Variants in CEP128 observed in about 807,000 individuals in gnomAD.
The protein encoded by CEP128 is centrosomal protein 128kDa.
CEP128 carries 132 observed loss-of-function variants against 156.7 expected under a neutral mutation model. The ratio of observed to expected loss-of-function variants is 0.84; its 90% confidence interval spans 0.73 to 0.97. The LOEUF (loss-of-function observed/expected upper bound fraction) is 0.97, where lower values mean the gene tolerates loss of function less well. Among genes scored for constraint, CEP128 ranks in the 50% least tolerant of loss-of-function variants. The pLI is 0.00. For synonymous variants in CEP128, 469 were observed against 448.9 expected (o/e 1.04, Z -0.57); for missense variants, 1,252 against 1,281.9 (o/e 0.98, Z 0.36).
intron 9 of CEP128, among the ~76,000 whole-genome samples, chr14:80,846,962 A>C (rs1266900457): frequency 6.6e-6 from 1 of 152,182 alleles, no homozygotes; most frequent in Admixed American, 6.5e-5. Context: ...AATCCAGCCA[A>C]CTATTTCCCA....
At chr14:80,934,861 G>A (rs1157508121) in intron 2 of CEP128, among the ~76,000 whole-genome samples, 1 of 151,788 alleles carries the variant, frequency 6.6e-6, no homozygotes. Flanking sequence ...GACTATAACT[G>A]GTATATTACT....
intron 2 of CEP128, among the ~76,000 whole-genome samples, chr14:80,931,442 A>C (rs1429386109): frequency 6.6e-6 from 1 of 152,204 alleles, no homozygotes; most frequent in Non-Finnish European, 1.5e-5. Context: ...CCCTTAACTC[A>C]TGTCTGTTCT....
At chr14:80,590,783 A>T (rs750127387) in intron 19 of CEP128, among the ~76,000 whole-genome samples, 21 of 152,152 alleles carry the variant, frequency 1.4e-4, no homozygotes, top group Non-Finnish European at 2.9e-4. Context: ...ATTTAGAGGG[A>T]ACATTTAAGA....
At chr14:80,740,167 T>C (rs1484841476) in intron 19 of CEP128, among the ~76,000 whole-genome samples, 1 of 152,082 alleles carries the variant, frequency 6.6e-6, no homozygotes, top group Non-Finnish European at 1.5e-5. Flanking sequence ...GTTCTTTCAT[T>C]ACTTCCCTCA....
chr14:80,494,411 TA>T (rs771012287), downstream of CEP128, among the ~76,000 whole-genome samples: 3 of 152,216 alleles, frequency 2.0e-5, no homozygotes, highest in Non-Finnish European at 4.4e-5. Context: ...CATTCTTGGC[TA>T]CCATAGGATG....
intron 20 of CEP128, among the ~76,000 whole-genome samples, chr14:80,568,898 T>C (rs946831957): frequency 6.6e-6 from 1 of 152,180 alleles, no homozygotes; most frequent in Admixed American, 6.5e-5. Context: ...AAAGCAGATG[T>C]ATATTAACTG....
At chr14:80,617,785 C>T (rs768734177) in intron 19 of CEP128, among the ~76,000 whole-genome samples, 3 of 152,084 alleles carry the variant, frequency 2.0e-5, no homozygotes, top group African/African-American at 7.2e-5. Context: ...GGCAACATGG[C>T]GAGACCCTGT....
intron 19 of CEP128, among the ~76,000 whole-genome samples, chr14:80,584,158 TTTTTTG>T (rs1275432477): frequency 5.2e-5 from 6 of 114,582 alleles, no homozygotes; most frequent in Admixed American, 1.7e-4. Context: ...TTTTTTTTTT[TTTTTTG>T]TTTGACAGCG....
At chr14:80,761,750 T>C (rs1379717468) in intron 16 of CEP128, 137 bp from the exon 17 acceptor site, 2 of 529,184 alleles carry the variant, frequency 3.8e-6, no homozygotes, top group African/African-American at 1.9e-5. Flanking sequence ...TTTACCAAAA[T>C]AAAAACACTT....
chr14:80,551,419 C>A (rs1474540676), intron 21 of CEP128, among the ~76,000 whole-genome samples: 1 of 152,146 alleles, frequency 6.6e-6, no homozygotes, highest in Non-Finnish European at 1.5e-5. Context: ...TCCATATAAA[C>A]CCCAGACCTA....
intron 16 of CEP128, among the ~76,000 whole-genome samples, chr14:80,764,299 C>A (rs550088675): frequency 2.0e-5 from 3 of 150,948 alleles, no homozygotes; most frequent in Admixed American, 1.3e-4. Context: ...GAGATCGAGA[C>A]CATCCTGGCT....
chr14:80,720,374 G>A (rs542810460), intron 19 of CEP128, among the ~76,000 whole-genome samples: 1 of 152,272 alleles, frequency 6.6e-6, no homozygotes, highest in Admixed American at 6.5e-5. Flanking sequence ...AATACTGCAA[G>A]CTGCTGAGAG....
chr14:80,687,924 T>C (rs895950748), intron 19 of CEP128, among the ~76,000 whole-genome samples: 3 of 152,082 alleles, frequency 2.0e-5, no homozygotes, highest in African/African-American at 7.2e-5. Context: ...ATAAAATATA[T>C]AGTCTGGGAA....
intron 21 of CEP128, among the ~76,000 whole-genome samples, chr14:80,531,292 G>A (rs1292636403): frequency 6.6e-6 from 1 of 152,194 alleles, no homozygotes; most frequent in Non-Finnish European, 1.5e-5. Context: ...GAGTATATTA[G>A]AGATTCTTAA....
intron 24 of CEP128, among the ~76,000 whole-genome samples, chr14:80,503,024 G>T (rs1425167888): frequency 9.2e-5 from 14 of 152,008 alleles, no homozygotes; most frequent in African/African-American, 3.4e-4. Flanking sequence ...TGATAAGGTA[G>T]CTAGGATTAA....
chr14:80,957,469 A>C (rs1030755258), intron 2 of CEP128, among the ~76,000 whole-genome samples: 2 of 150,666 alleles, frequency 1.3e-5, no homozygotes, highest in Admixed American at 6.6e-5. Flanking sequence ...GAAAAAACAA[A>C]AAAAAAAAAA....
Position 80,904,855 on chromosome 14 carries a change from T to C in CEP128, c.438A>G (p.Arg146=). Residue 146 remains arginine (R), a synonymous_variant, in exon 6 of 25, where the codon AGA becomes AGG. Coordinates refer to ENST00000555265, the MANE Select transcript of CEP128 (RefSeq NM_152446.5). ...DPQGIKRMRS[R]TGVRFVQETD... ...TCTCTTGAACAAACCGGACACCAGT[T>C]CTTGATCTCATTCGTTTAATACCCT... The C allele has an allele frequency of 6.2e-7, 1 of 1,612,030 alleles. No homozygotes were observed. The highest frequency in any genetic ancestry group is 1.1e-5 in the South Asian group (1 of 91,008).
chr14:80,625,210 A>T (rs1405047516), intron 19 of CEP128, among the ~76,000 whole-genome samples: 1 of 152,152 alleles, frequency 6.6e-6, no homozygotes, highest in Non-Finnish European at 1.5e-5. Flanking sequence ...AACGAGACAC[A>T]TTGGGGAATG....
rs60895994 is a variant in CEP128, at chr14:80,647,037, GTATATATATATATATA to G, written c.2807-66630_2807-66615del. Among the ~76,000 whole-genome samples, 283 of 69,600 alleles carry G rather than the reference GTATATATATATATATA, an allele frequency of 4.1e-3. 7 individuals are homozygous for G. The highest frequency in any genetic ancestry group is 0.013 in the African/African-American group (250 of 19,626). The allele number at this position is 69,600 out of a possible 152,430, so 45.7% of individuals were successfully genotyped here. Reference sequence around the variant, plus strand: ...TGTGTGTGTATATATATGTGTGCATGTATATATATATATATATATATATATATATATATATATATAT... The same window carrying G: ...TGTGTGTGTATATATATGTGTGCATGTATATATATATATATATATATATAT... On this transcript the variant is annotated intron_variant, in intron 19 of 24. Coordinates refer to ENST00000555265, the MANE Select transcript of CEP128 (RefSeq NM_152446.5).
Sources: allele counts gnomAD v4.1 joint callset (sites outside exome capture counted in the v4.1 genomes callset), GRCh38; gene constraint gnomAD v4.1.1; transcripts MANE v1.5; gene names NCBI Gene and HGNC (gene_info 2026-07-23, HGNC 2026-07-21).